Variants in DPYD observed in about 807,000 individuals in gnomAD.
DPYD encodes dihydropyrimidine dehydrogenase.
A neutral mutation model predicts 116.2 loss-of-function variants in DPYD; 109 were observed. The observed-to-expected ratio is 0.94, with a 90% CI of 0.80 to 1.10. The LOEUF (loss-of-function observed/expected upper bound fraction) is 1.10, where lower values mean the gene tolerates loss of function less well. Ranked by LOEUF, DPYD falls within the 50% of genes least tolerant of loss-of-function variation. The pLI is 0.00. For missense variants in DPYD, 1,302 were observed against 1,254.5 expected (o/e 1.04, Z -0.57); for synonymous variants, 440 against 432.0 (o/e 1.02, Z -0.23).
At chr1:97,328,067 C>T (rs1184255449) in intron 16 of DPYD, among the ~76,000 whole-genome samples, 1 of 152,068 alleles carries the variant, frequency 6.6e-6, no homozygotes, top group Non-Finnish European at 1.5e-5. Flanking sequence ...TCAGTTGATG[C>T]ACGATACCCA....
chr1:97,832,634 C>T (rs1357941974), intron 2 of DPYD, among the ~76,000 whole-genome samples: 1 of 151,706 alleles, frequency 6.6e-6, no homozygotes, highest in Admixed American at 6.6e-5. Context: ...AATTAAATTC[C>T]CAAGTGTTCA....
At chr1:97,182,789 C>G (rs1657732640) in intron 20 of DPYD, among the ~76,000 whole-genome samples, 1 of 152,080 alleles carries the variant, frequency 6.6e-6, no homozygotes, top group South Asian at 2.1e-4. Flanking sequence ...CATAGATGGA[C>G]AGGAGTAAGC....
At chr1:97,697,038 T>C (rs1287487927) in intron 6 of DPYD, among the ~76,000 whole-genome samples, 2 of 152,138 alleles carry the variant, frequency 1.3e-5, no homozygotes, top group Non-Finnish European at 2.9e-5. Context: ...AGAATGTATA[T>C]ATGTACAAAC....
chr1:97,305,900 G>A (rs1402050486), intron 17 of DPYD, among the ~76,000 whole-genome samples: 1 of 151,878 alleles, frequency 6.6e-6, no homozygotes, highest in Non-Finnish European at 1.5e-5. Flanking sequence ...GGTTTGCTGT[G>A]ACTGTGTTTT....
At position 97,219,651 on chromosome 1, in the gene DPYD, G is replaced by A. The variant is rs545931247; in HGVS notation, c.2442+15201C>T. On this transcript the variant is annotated intron_variant, in intron 19 of 22. Coordinates refer to ENST00000370192, the MANE Select transcript of DPYD (RefSeq NM_000110.4). ...TAGAAGAGAGGAGAATTAAAATTAT[G>A]AAGGATAAAAACCATTATTTAAAAA... Among the ~76,000 whole-genome samples the A allele has an allele frequency of 3.9e-5, 6 of 152,220 alleles. No homozygotes were observed. The East Asian group carries it at 1.2e-3, about 29-fold the overall frequency.
intron 8 of DPYD, among the ~76,000 whole-genome samples, chr1:97,600,784 T>C (rs1655199134): frequency 1.3e-5 from 2 of 152,312 alleles, no homozygotes; most frequent in South Asian, 4.1e-4. Context: ...TTTGAGTACA[T>C]ATAAGTTAAA....
chr1:97,544,146 G>C (rs1429082968), intron 12 of DPYD, among the ~76,000 whole-genome samples: 2 of 152,164 alleles, frequency 1.3e-5, no homozygotes, highest in Non-Finnish European at 2.9e-5. Flanking sequence ...CTGCAGTGTA[G>C]GGGCATTGGA....
intron 3 of DPYD, among the ~76,000 whole-genome samples, chr1:97,750,683 T>G (rs1664826128): frequency 6.6e-6 from 1 of 152,154 alleles, no homozygotes; most frequent in Non-Finnish European, 1.5e-5. Context: ...AAGAATTCAC[T>G]TAAGAGTTTT....
At chr1:97,778,219 A>G (rs1434143438) in intron 3 of DPYD, among the ~76,000 whole-genome samples, 2 of 95,820 alleles carry the variant, frequency 2.1e-5, no homozygotes, top group Non-Finnish European at 4.1e-5. Context: ...AGAGAGAGAG[A>G]GGGAGGGAGG....
At chr1:97,784,388 G>C (rs1666909753) in intron 3 of DPYD, among the ~76,000 whole-genome samples, 3 of 152,106 alleles carry the variant, frequency 2.0e-5, no homozygotes, top group Non-Finnish European at 2.9e-5. Context: ...AGAAGCTCTA[G>C]GGGATATATG....
At chr1:97,467,927 A>G (rs1215381307) in intron 13 of DPYD, among the ~76,000 whole-genome samples, 1 of 152,218 alleles carries the variant, frequency 6.6e-6, no homozygotes, top group Non-Finnish European at 1.5e-5. Flanking sequence ...GAAGCTATTT[A>G]GTTTGGTGCA....
intron 20 of DPYD, among the ~76,000 whole-genome samples, chr1:97,168,991 C>A (rs1411083980): frequency 6.6e-6 from 1 of 151,984 alleles, no homozygotes; most frequent in Non-Finnish European, 1.5e-5. Context: ...GGATTACAGG[C>A]ACCCACCACC....
At chr1:97,262,576 A>G (rs948053323) in intron 18 of DPYD, among the ~76,000 whole-genome samples, 1 of 152,120 alleles carries the variant, frequency 6.6e-6, no homozygotes, top group Non-Finnish European at 1.5e-5. Flanking sequence ...GTAATGAAAA[A>G]TAATCTTTAT....
intron 12 of DPYD, among the ~76,000 whole-genome samples, chr1:97,549,012 C>A (rs1651115216): frequency 6.6e-6 from 1 of 151,786 alleles, no homozygotes; most frequent in Admixed American, 6.6e-5. Flanking sequence ...TTGAACACAT[C>A]AGGACTAATG....
intron 13 of DPYD, among the ~76,000 whole-genome samples, chr1:97,473,823 A>G (rs1258412602): frequency 6.6e-6 from 1 of 152,114 alleles, no homozygotes; most frequent in Non-Finnish European, 1.5e-5. Flanking sequence ...CCTGGGCAAC[A>G]TGGCAAAACC....
At chr1:97,719,284 G>A (rs1662792233) in intron 5 of DPYD, among the ~76,000 whole-genome samples, 1 of 151,382 alleles carries the variant, frequency 6.6e-6, no homozygotes, top group African/African-American at 2.4e-5. Context: ...ATGTTAAACT[G>A]GAGAAGAATA....
intron 18 of DPYD, among the ~76,000 whole-genome samples, chr1:97,292,565 G>C (rs1486966973): frequency 1.3e-5 from 2 of 152,166 alleles, no homozygotes; most frequent in African/African-American, 4.8e-5. Context: ...TACAGTTCAA[G>C]ATGAGATTTG....
chr1:97,206,638 TTATATATATATATATA>T (rs57893705), intron 19 of DPYD, among the ~76,000 whole-genome samples: 1,988 of 48,968 alleles, frequency 0.041, 110 homozygotes, highest in East Asian at 0.21. Flanking sequence ...CAGGGAGATT[TTATATATATATATATA>T]TATATATATA....
In DPYD at chr1:97,608,123, A is replaced by G. The variant is rs545932837; in HGVS notation, c.851-12957T>C. On this transcript the variant is annotated intron_variant, in intron 8 of 22. Coordinates refer to ENST00000370192, the MANE Select transcript of DPYD (RefSeq NM_000110.4). ...CAAGTATGAAAAGAATGAATTGGCC[A>G]GAAGGAGAATACATCACATGAAATC... 1.3e-4 allele frequency among the ~76,000 whole-genome samples: 20 copies of G among 152,028 alleles called. No individual in the cohort carries two copies. In the South Asian group the frequency reaches 3.9e-3, roughly 30 times the overall value.
Sources: gnomAD v4.1 joint callset for allele counts (sites outside exome capture counted in the v4.1 genomes callset) on GRCh38, gnomAD v4.1.1 for gene constraint, MANE v1.5 for transcripts, NCBI Gene and HGNC (gene_info 2026-07-23, HGNC 2026-07-21) for gene names.